The following MAPKAP1 variants were observed in gnomAD, a reference collection of about 807,000 sequenced individuals.
The protein encoded by MAPKAP1 is target of rapamycin complex 2 subunit MAPKAP1.
Under a neutral mutation model 65.7 loss-of-function variants are expected in MAPKAP1, and 20 were observed. That is an observed-to-expected ratio of 0.30 (90% CI 0.21 to 0.44). The LOEUF is 0.44. Ranked by LOEUF, MAPKAP1 falls within the 20% of genes least tolerant of loss-of-function variation. MAPKAP1 has a pLI of 1.00. For missense variants in MAPKAP1, 423 were observed against 648.0 expected (o/e 0.65, Z 3.77); for synonymous variants, 222 against 244.3 (o/e 0.91, Z 0.85).
intron 10 of MAPKAP1, among the ~76,000 whole-genome samples, chr9:125,446,496 AG>A (rs1445482667): frequency 1.3e-5 from 2 of 152,124 alleles, no homozygotes; most frequent in African/African-American, 4.8e-5. Flanking sequence ...TCACATTCAC[AG>A]GATCTACCCC....
At chr9:125,653,398 T>C (rs1833946247) in intron 4 of MAPKAP1, among the ~76,000 whole-genome samples, 1 of 152,112 alleles carries the variant, frequency 6.6e-6, no homozygotes, top group African/African-American at 2.4e-5. Context: ...AGGAAAAAGG[T>C]AGGAAGTCAG....
chr9:125,674,549 T>A (rs1834589970), intron 1 of MAPKAP1, among the ~76,000 whole-genome samples: 3 of 152,236 alleles, frequency 2.0e-5, no homozygotes, highest in African/African-American at 7.2e-5. Context: ...TTTCTTGTAA[T>A]CTGTTTCTTC....
At chr9:125,699,978 A>C (rs1481505291) in intron 1 of MAPKAP1, among the ~76,000 whole-genome samples, 1 of 152,204 alleles carries the variant, frequency 6.6e-6, no homozygotes, top group Non-Finnish European at 1.5e-5. Flanking sequence ...GAAGCACTAC[A>C]GTACTTACAA....
chr9:125,601,155 T>C (rs1440467982), intron 4 of MAPKAP1, among the ~76,000 whole-genome samples: 1 of 122,320 alleles, frequency 8.2e-6, no homozygotes, highest in East Asian at 3.0e-4. Flanking sequence ...CTAGATGATG[T>C]ATCTCTAAAA....
chr9:125,541,630 C>T (rs989390017), intron 7 of MAPKAP1, among the ~76,000 whole-genome samples: 1 of 152,134 alleles, frequency 6.6e-6, no homozygotes, highest in African/African-American at 2.4e-5. Flanking sequence ...GTGGCTGTGC[C>T]TCTTCAATCA....
intron 10 of MAPKAP1, among the ~76,000 whole-genome samples, chr9:125,459,147 C>G (rs1286534643): frequency 2.7e-5 from 4 of 148,210 alleles, no homozygotes; most frequent in Non-Finnish European, 6.0e-5. Flanking sequence ...GGGTCGCGGC[C>G]GGGCAGAGGC....
chr9:125,476,351 T>C (rs903718873), intron 9 of MAPKAP1, among the ~76,000 whole-genome samples: 5 of 152,138 alleles, frequency 3.3e-5, no homozygotes, highest in African/African-American at 1.2e-4. Flanking sequence ...AATTGCCAAC[T>C]TCAAATTACT....
intron 4 of MAPKAP1, among the ~76,000 whole-genome samples, chr9:125,622,190 G>GGAATGAGCTAGAGAGGAATAGCTAGA (rs1380874829): frequency 4.4e-4 from 67 of 152,288 alleles, no homozygotes; most frequent in African/African-American, 1.5e-3. Context: ...TAGCTAGATA[G>GGAATGAGCTAGAGAGGAATAGCTAGA]GAGGAATGAG....
At chr9:125,551,355 G>C (rs1338816208) in intron 6 of MAPKAP1, among the ~76,000 whole-genome samples, 2 of 152,114 alleles carry the variant, frequency 1.3e-5, no homozygotes, top group African/African-American at 4.8e-5. Flanking sequence ...TAAAGAGCAT[G>C]AATGAACCTA....
chr9:125,679,055 G>A (rs1175230329), intron 1 of MAPKAP1, among the ~76,000 whole-genome samples: 1 of 151,318 alleles, frequency 6.6e-6, no homozygotes, highest in African/African-American at 2.4e-5. Flanking sequence ...AGGCTGGAGT[G>A]CAGCAGTGCG....
At chr9:125,450,642 G>A (rs1852910371) in intron 10 of MAPKAP1, among the ~76,000 whole-genome samples, 1 of 152,190 alleles carries the variant, frequency 6.6e-6, no homozygotes, top group South Asian at 2.1e-4. Flanking sequence ...TGAGGCTTGG[G>A]ATTCTTTCTC....
intron 1 of MAPKAP1, among the ~76,000 whole-genome samples, chr9:125,684,081 T>C (rs958800942): frequency 6.6e-6 from 1 of 152,230 alleles, no homozygotes; most frequent in Admixed American, 6.5e-5. Flanking sequence ...TCTACCATCA[T>C]TACAGTGAGT....
chr9:125,514,300 C>T (rs1382291181), intron 7 of MAPKAP1, among the ~76,000 whole-genome samples: 1 of 152,162 alleles, frequency 6.6e-6, no homozygotes, highest in East Asian at 1.9e-4. Context: ...TTGGTAGGAA[C>T]ACTCATTGGG....
At position 125,607,350 on chromosome 9, in the gene MAPKAP1, G is replaced by C. The variant is rs76956582; in HGVS notation, c.499-21623C>G. Among the ~76,000 whole-genome samples the C allele has an allele frequency of 1.3e-3, 197 of 152,292 alleles. 1 individual carries two copies. The highest frequency in any genetic ancestry group is 4.6e-3 in the African/African-American group (190 of 41,552). On this transcript the variant is annotated intron_variant, in intron 4 of 11. Coordinates refer to ENST00000265960, the MANE Select transcript of MAPKAP1 (RefSeq NM_001006617.3). ...TATAAAGGGTGTTTTTCAAAGACTGGCTCTTCATTCCAACACTACAGCAGC... is the reference window on the plus strand; with the variant it reads ...TATAAAGGGTGTTTTTCAAAGACTGCCTCTTCATTCCAACACTACAGCAGC...
chr9:125,511,549 G>T (rs545383513), intron 7 of MAPKAP1, among the ~76,000 whole-genome samples: 1 of 152,126 alleles, frequency 6.6e-6, no homozygotes, highest in Non-Finnish European at 1.5e-5. Flanking sequence ...TGAAGATTAT[G>T]ATAACCCAGA....
At chr9:125,619,451 TG>T (rs1184435305) in intron 4 of MAPKAP1, among the ~76,000 whole-genome samples, 1 of 151,702 alleles carries the variant, frequency 6.6e-6, no homozygotes, top group African/African-American at 2.4e-5. Context: ...CACTCCGGCC[TG>T]GGCGAAAGAG....
At chr9:125,489,308 A>C (rs1028040648) in intron 8 of MAPKAP1, among the ~76,000 whole-genome samples, 3 of 152,198 alleles carry the variant, frequency 2.0e-5, no homozygotes, top group African/African-American at 7.2e-5. Flanking sequence ...ATCTACATTA[A>C]TGCTGAACTG....
intron 8 of MAPKAP1, among the ~76,000 whole-genome samples, chr9:125,504,506 T>C (rs888130105): frequency 3.3e-5 from 5 of 152,200 alleles, no homozygotes; most frequent in Admixed American, 3.3e-4. Context: ...GCCGGTGTGG[T>C]GGTTCACACC....
intron 4 of MAPKAP1, among the ~76,000 whole-genome samples, chr9:125,634,708 C>T (rs185592274): frequency 6.6e-6 from 1 of 152,262 alleles, no homozygotes; most frequent in Admixed American, 6.5e-5. Flanking sequence ...CCAGACAATG[C>T]TTGATAAAGG....
Sources: allele counts gnomAD v4.1 joint callset (sites outside exome capture counted in the v4.1 genomes callset), GRCh38; gene constraint gnomAD v4.1.1; transcripts MANE v1.5; gene names NCBI Gene and HGNC (gene_info 2026-07-23, HGNC 2026-07-21).